ZNF804B: variants seen among roughly 807,000 people sequenced by gnomAD.
ZNF804B encodes the protein zinc finger protein 804B.
In ZNF804B, 80 loss-of-function variants were observed where a neutral mutation model predicts 101.4. The ratio of observed to expected loss-of-function variants is 0.79; its 90% CI spans 0.66 to 0.95. ZNF804B has a LOEUF of 0.95. ZNF804B is among the 40% of genes least tolerant of loss of function. ZNF804B has a pLI of 0.00. For missense variants in ZNF804B, 1,673 were observed against 1,561.9 expected (o/e 1.07, Z -1.20); for synonymous variants, 622 against 558.8 (o/e 1.11, Z -1.59).
chr7:89,171,581 T>C (rs12704444), intron 1 of ZNF804B, among the ~76,000 whole-genome samples: 61,759 of 151,480 alleles, frequency 0.41, 13,158 homozygotes, highest in Non-Finnish European at 0.47. Flanking sequence ...ACTACAACCT[T>C]GTGCCACCAC....
chr7:89,159,453 C>T (rs1175790563), intron 1 of ZNF804B, among the ~76,000 whole-genome samples: 1 of 152,016 alleles, frequency 6.6e-6, no homozygotes, highest in Non-Finnish European at 1.5e-5. Flanking sequence ...TCAGGCTGAG[C>T]CCCAGTTACT....
chr7:88,974,280 C>A (rs1793582146), intron 1 of ZNF804B, among the ~76,000 whole-genome samples: 1 of 150,656 alleles, frequency 6.6e-6, no homozygotes, highest in Non-Finnish European at 1.5e-5. Flanking sequence ...AATATAAAAT[C>A]TTTAGAGATA....
At chr7:88,969,254 C>T (rs915544954) in intron 1 of ZNF804B, among the ~76,000 whole-genome samples, 4 of 151,576 alleles carry the variant, frequency 2.6e-5, no homozygotes, top group East Asian at 3.9e-4. Context: ...TAGTCACTCT[C>T]TTGTTGTTAT....
chr7:88,794,242 T>C, intron 1 of ZNF804B: 1 of 1,613,608 alleles, frequency 6.2e-7, no homozygotes, highest in Non-Finnish European at 8.5e-7. Flanking sequence ...TATGGGTCTA[T>C]TATACATGTT....
chr7:88,774,987 G>A (rs1407773640), intron 1 of ZNF804B, among the ~76,000 whole-genome samples: 1 of 152,188 alleles, frequency 6.6e-6, no homozygotes, highest in East Asian at 1.9e-4. Flanking sequence ...ACATTTTGGG[G>A]TCCTTACTAC....
chr7:89,201,509 C>T (rs551450811), intron 1 of ZNF804B, among the ~76,000 whole-genome samples: 286 of 151,872 alleles, frequency 1.9e-3, no homozygotes, highest in Non-Finnish European at 2.9e-3. Flanking sequence ...CACCAAAAGC[C>T]GAGACTTCCA....
intron 1 of ZNF804B, among the ~76,000 whole-genome samples, chr7:88,798,501 T>G (rs542040890): frequency 2.0e-4 from 30 of 152,054 alleles, no homozygotes; most frequent in Non-Finnish European, 3.2e-4. Flanking sequence ...GAAGCAATAG[T>G]TTTTAATCTC....
At chr7:89,107,052 T>C (rs1349187776) in intron 1 of ZNF804B, among the ~76,000 whole-genome samples, 2 of 152,110 alleles carry the variant, frequency 1.3e-5, no homozygotes, top group Non-Finnish European at 2.9e-5. Context: ...GGCACAGTTA[T>C]TAAAGGGAAA....
intron 2 of ZNF804B, among the ~76,000 whole-genome samples, chr7:89,306,567 T>TG (rs1261986518): frequency 6.6e-6 from 1 of 152,004 alleles, no homozygotes; most frequent in Non-Finnish European, 1.5e-5. Flanking sequence ...AGTAAAATTT[T>TG]GGGGGCCACT....
At chr7:89,187,974 A>T (rs1788398654) in intron 1 of ZNF804B, among the ~76,000 whole-genome samples, 1 of 152,138 alleles carries the variant, frequency 6.6e-6, no homozygotes, top group Non-Finnish European at 1.5e-5. Flanking sequence ...CCTACCTGAA[A>T]ACAGGACTTA....
At chr7:89,086,997 T>C (rs1789812850) in intron 1 of ZNF804B, among the ~76,000 whole-genome samples, 2 of 150,658 alleles carry the variant, frequency 1.3e-5, no homozygotes, top group African/African-American at 2.4e-5. Flanking sequence ...TAAAAAAAAA[T>C]TGTAGTGCCA....
intron 1 of ZNF804B, among the ~76,000 whole-genome samples, chr7:89,005,457 A>G (rs868327655): frequency 6.6e-6 from 1 of 152,102 alleles, no homozygotes; most frequent in Non-Finnish European, 1.5e-5. Context: ...GTAGATGGAA[A>G]TACAAATAAG....
intron 1 of ZNF804B, among the ~76,000 whole-genome samples, chr7:89,206,733 C>T (rs1445041096): frequency 6.6e-6 from 1 of 152,100 alleles, no homozygotes; most frequent in East Asian, 1.9e-4. Flanking sequence ...GCCTGGGTCA[C>T]AAGAACAAAA....
chr7:89,012,982 G>T (rs945661578), intron 1 of ZNF804B, among the ~76,000 whole-genome samples: 4 of 152,152 alleles, frequency 2.6e-5, no homozygotes, highest in African/African-American at 7.2e-5. Context: ...ATCTTCCCAG[G>T]ATGGCAGGAG....
chr7:89,229,211 C>T (rs1014520098), intron 2 of ZNF804B, among the ~76,000 whole-genome samples: 2 of 152,210 alleles, frequency 1.3e-5, no homozygotes, highest in Admixed American at 6.5e-5. Context: ...CCTCAAGTGC[C>T]GCCAAAGTGG....
intron 1 of ZNF804B, among the ~76,000 whole-genome samples, chr7:88,902,763 CTG>C (rs1366069853): frequency 6.6e-6 from 1 of 151,968 alleles, no homozygotes; most frequent in South Asian, 2.1e-4. Context: ...ATGCATAAAA[CTG>C]TGCCTACATT....
chr7:88,929,868 CTA>C (rs746458030), intron 1 of ZNF804B, among the ~76,000 whole-genome samples: 16 of 151,806 alleles, frequency 1.1e-4, no homozygotes, highest in Non-Finnish European at 1.5e-4. Context: ...ATATCATAAA[CTA>C]TTTGTTAATA....
intron 1 of ZNF804B, among the ~76,000 whole-genome samples, chr7:89,007,199 A>G (rs949075979): frequency 6.6e-6 from 1 of 151,998 alleles, no homozygotes; most frequent in African/African-American, 2.4e-5. Context: ...GATTTCATAA[A>G]GAATCTAGAG....
intron 1 of ZNF804B, among the ~76,000 whole-genome samples, chr7:88,924,526 A>G (rs762243210): frequency 4.6e-5 from 7 of 152,128 alleles, no homozygotes; most frequent in Non-Finnish European, 8.8e-5. Flanking sequence ...CCTCTCCTAC[A>G]TCATACCTTT....
Sources: gnomAD v4.1 joint callset for allele counts (sites outside exome capture counted in the v4.1 genomes callset) on GRCh38, gnomAD v4.1.1 for gene constraint, MANE v1.5 for transcripts, NCBI Gene and HGNC (gene_info 2026-07-23, HGNC 2026-07-21) for gene names.